CDH13: variants seen among roughly 807,000 people sequenced by gnomAD.
CDH13 encodes cadherin-13.
A neutral mutation model predicts 63.8 loss-of-function variants in CDH13; 24 were observed. The ratio of observed to expected loss-of-function variants is 0.38; its 90% CI spans 0.27 to 0.53. The LOEUF (loss-of-function observed/expected upper bound fraction) is 0.53, where lower values mean the gene tolerates loss of function less well. Among genes scored for constraint, CDH13 ranks in the 20% least tolerant of loss-of-function variants. The probability of loss-of-function intolerance (pLI) is 0.85; values close to 1 mark genes in which losing one functional copy is unlikely to be tolerated. For missense variants in CDH13, 1,049 were observed against 903.1 expected, an observed-to-expected ratio of 1.16 and a Z score of -2.07; for synonymous variants, 503 against 355.3, an observed-to-expected ratio of 1.42 and a Z score of -4.67.
Position 82,939,251 on chromosome 16 carries a change from C to G in CDH13, c.157+80778C>G, listed in dbSNP as rs575622174. Among the ~76,000 whole-genome samples the G allele has an allele frequency of 1.0e-3, 154 of 152,234 alleles. 1 individual carries two copies. The South Asian group carries it at 0.031, about 31-fold the overall frequency. On this transcript the variant is annotated intron_variant, in intron 2 of 13. Coordinates refer to ENST00000567109, the MANE Select transcript of CDH13 (RefSeq NM_001257.5). Reference sequence around the variant, plus strand: ...TCAGCCTGGGCAACATGGTGAAACCCTGTTCTACTAGAAATACAAAAATTA... The same window carrying G: ...TCAGCCTGGGCAACATGGTGAAACCGTGTTCTACTAGAAATACAAAAATTA...
intron 1 of CDH13, among the ~76,000 whole-genome samples, chr16:82,847,877 T>C (rs1033797037): frequency 7.7e-5 from 11 of 143,644 alleles, no homozygotes; most frequent in Non-Finnish European, 1.5e-4. Flanking sequence ...CCTTGTTTTA[T>C]TGTTTTCTTG....
chr16:82,765,035 C>G (rs985863351), intron 1 of CDH13, among the ~76,000 whole-genome samples: 2 of 152,112 alleles, frequency 1.3e-5, no homozygotes, highest in Non-Finnish European at 2.9e-5. Context: ...AGGCAGGTCT[C>G]AAACTCCTGA....
intron 7 of CDH13, among the ~76,000 whole-genome samples, chr16:83,507,242 T>G (rs1020674321): frequency 1.3e-5 from 2 of 152,196 alleles, no homozygotes; most frequent in Non-Finnish European, 2.9e-5. Context: ...AAAGCAATAT[T>G]TTTATTACAG....
intron 6 of CDH13, among the ~76,000 whole-genome samples, chr16:83,421,453 A>C (rs1489245126): frequency 6.6e-6 from 1 of 152,190 alleles, no homozygotes; most frequent in African/African-American, 2.4e-5. Context: ...TATCCTCTGC[A>C]TGTTGACTTC....
At chr16:82,638,861 A>G (rs188705532) in intron 1 of CDH13, among the ~76,000 whole-genome samples, 92 of 80,988 alleles carry the variant, frequency 1.1e-3, no homozygotes, top group African/African-American at 3.3e-3. Context: ...CACCAGTGCC[A>G]TGAGTACTTG....
intron 2 of CDH13, among the ~76,000 whole-genome samples, chr16:82,867,374 G>A (rs1470138520): frequency 6.6e-6 from 1 of 152,156 alleles, no homozygotes; most frequent in African/African-American, 2.4e-5. Flanking sequence ...GAGAACTGCT[G>A]CTGCTGCGTA....
chr16:83,446,116 A>G (rs891642358), intron 6 of CDH13, among the ~76,000 whole-genome samples: 1 of 152,074 alleles, frequency 6.6e-6, no homozygotes, highest in Non-Finnish European at 1.5e-5. Context: ...CAGCATGGCC[A>G]ACGTGGTGAA....
intron 2 of CDH13, among the ~76,000 whole-genome samples, chr16:82,991,605 C>T (rs899970847): frequency 6.6e-6 from 1 of 152,140 alleles, no homozygotes; most frequent in East Asian, 1.9e-4. Context: ...ATAAAACTTA[C>T]CCTTGACATG....
chr16:82,684,686 C>A (rs1206416405), intron 1 of CDH13, among the ~76,000 whole-genome samples: 6 of 151,926 alleles, frequency 3.9e-5, no homozygotes, highest in Admixed American at 3.9e-4. Context: ...TTTACAATTG[C>A]TTTTGATCCT....
At chr16:83,213,346 T>C (rs1433745278) in intron 4 of CDH13, among the ~76,000 whole-genome samples, 1 of 152,144 alleles carries the variant, frequency 6.6e-6, no homozygotes, top group Non-Finnish European at 1.5e-5. Context: ...GAATTCAGCT[T>C]TCTGTGCCGA....
At chr16:83,534,201 CA>C (rs2075140009) in intron 7 of CDH13, among the ~76,000 whole-genome samples, 2 of 152,156 alleles carry the variant, frequency 1.3e-5, no homozygotes, top group South Asian at 4.1e-4. Flanking sequence ...ATGCTCCATA[CA>C]AATGAAATAT....
chr16:83,320,768 A>C (rs557943811), intron 5 of CDH13, among the ~76,000 whole-genome samples: 1 of 152,288 alleles, frequency 6.6e-6, no homozygotes, highest in South Asian at 2.1e-4. Flanking sequence ...AAGGAATGAG[A>C]AAAAGCACAC....
intron 7 of CDH13, among the ~76,000 whole-genome samples, chr16:83,597,947 A>G (rs1382036887): frequency 3.3e-5 from 5 of 152,340 alleles, no homozygotes; most frequent in South Asian, 2.1e-4. Context: ...ACTGTCCTCA[A>G]CGCTAAACTT....
At chr16:82,855,156 C>T (rs911623371) in intron 1 of CDH13, among the ~76,000 whole-genome samples, 2 of 152,150 alleles carry the variant, frequency 1.3e-5, no homozygotes, top group African/African-American at 4.8e-5. Flanking sequence ...TCCTACTGCT[C>T]CCCTCTTCCC....
chr16:82,852,940 G>A (rs963412780), intron 1 of CDH13, among the ~76,000 whole-genome samples: 3 of 152,046 alleles, frequency 2.0e-5, no homozygotes, highest in Non-Finnish European at 4.4e-5. Flanking sequence ...CCAAAGTTGG[G>A]TATATTCTTG....
chr16:82,739,541 G>T (rs372042904), intron 1 of CDH13, among the ~76,000 whole-genome samples: 1 of 152,214 alleles, frequency 6.6e-6, no homozygotes, highest in African/African-American at 2.4e-5. Flanking sequence ...TACTCTCCCT[G>T]TTTAAGCAAT....
At chr16:83,662,178 T>C (rs1445230432) in intron 8 of CDH13, among the ~76,000 whole-genome samples, 1 of 152,232 alleles carries the variant, frequency 6.6e-6, no homozygotes, top group African/African-American at 2.4e-5. Context: ...CTATTCCTTA[T>C]TATTTTTGAA....
intron 4 of CDH13, among the ~76,000 whole-genome samples, chr16:83,195,239 A>C (rs1350484063): frequency 6.6e-6 from 1 of 152,228 alleles, no homozygotes; most frequent in Non-Finnish European, 1.5e-5. Context: ...ATAGCTAAAC[A>C]AAAGGAGCTG....
intron 4 of CDH13, among the ~76,000 whole-genome samples, chr16:83,141,806 G>A (rs1158430382): frequency 6.6e-6 from 1 of 152,170 alleles, no homozygotes; most frequent in African/African-American, 2.4e-5. Context: ...TGAGAATGAT[G>A]GCTTCCAGCT....
Sources: gnomAD v4.1 joint callset for allele counts (sites outside exome capture counted in the v4.1 genomes callset) on GRCh38, gnomAD v4.1.1 for gene constraint, MANE v1.5 for transcripts, NCBI Gene and HGNC (gene_info 2026-07-23, HGNC 2026-07-21) for gene names.